SYNE3: variants seen among roughly 807,000 people sequenced by gnomAD.
The protein encoded by SYNE3 is spectrin repeat containing nuclear envelope family member 3.
A neutral mutation model predicts 111.2 loss-of-function variants in SYNE3; 100 were observed. The ratio of observed to expected loss-of-function variants is 0.90; its 90% confidence interval spans 0.77 to 1.06. SYNE3 has a LOEUF of 1.06. SYNE3 is among the 50% of genes least tolerant of loss of function. The pLI, the probability that SYNE3 is intolerant of heterozygous loss-of-function variation, is 0.00. For missense variants in SYNE3, 1,160 were observed against 1,240.3 expected (o/e 0.94, Z 0.97); for synonymous variants, 547 against 533.9 (o/e 1.02, Z -0.34).
chr14:95,435,709 C>T (rs1886047245), intron 15 of SYNE3, among the ~76,000 whole-genome samples: 2 of 152,122 alleles, frequency 1.3e-5, no homozygotes, highest in Non-Finnish European at 2.9e-5. Flanking sequence ...AAAAGAAATT[C>T]AAACCTAAAC....
intron 1 of SYNE3, among the ~76,000 whole-genome samples, chr14:95,510,913 C>T (rs1448081904): frequency 6.6e-6 from 1 of 152,244 alleles, no homozygotes; most frequent in African/African-American, 2.4e-5. Flanking sequence ...GAGCTTTAGC[C>T]TCTAGATCAT....
rs1566950083 is a variant in SYNE3 at position 95,413,811 on chromosome 14, G to A, written c.*4015C>T. 1 of 152,206 alleles carries A rather than the reference G, an allele frequency of 6.6e-6. No individual in the cohort carries two copies. The allele number at this position is 152,206 out of a possible 1,614,324, so 9.4% of individuals were successfully genotyped here. On this transcript the variant is annotated 3_prime_UTR_variant, in exon 18 of 18. Coordinates refer to ENST00000682763, the MANE Select transcript of SYNE3 (RefSeq NM_152592.6). ...CCCATTTCCTCTGGAAGGGAGTCGG[G>A]TGTCAGGAAACACATTTGCCTTTGG...
intron 17 of SYNE3, 80 bp downstream of exon 17, chr14:95,431,999 C>G: frequency 6.6e-7 from 1 of 1,522,094 alleles, no homozygotes; most frequent in South Asian, 1.2e-5. Flanking sequence ...GCCCACGAGT[C>G]TTGCCCCAGT....
At chr14:95,513,740 TATA>T (rs1890806397) in intron 1 of SYNE3, among the ~76,000 whole-genome samples, 3 of 37,200 alleles carry the variant, frequency 8.1e-5, no homozygotes, top group Admixed American at 6.8e-4. Context: ...GCTTAGATTA[TATA>T]TATATATATA....
intron 4 of SYNE3, 110 bp downstream of exon 4, chr14:95,465,821 G>T: frequency 8.6e-7 from 1 of 1,164,830 alleles, no homozygotes; most frequent in Non-Finnish European, 1.2e-6. Flanking sequence ...AAGATAGATT[G>T]ATAGTAGGTA....
intron 2 of SYNE3, among the ~76,000 whole-genome samples, chr14:95,472,503 C>T (rs1888588297): frequency 6.6e-6 from 1 of 152,242 alleles, no homozygotes; most frequent in Non-Finnish European, 1.5e-5. Flanking sequence ...TCTAAAACCA[C>T]AAGAAACGAT....
At chr14:95,459,771 G>C (rs1037222980) in intron 4 of SYNE3, among the ~76,000 whole-genome samples, 1 of 152,156 alleles carries the variant, frequency 6.6e-6, no homozygotes, top group Non-Finnish European at 1.5e-5. Context: ...GGAAGCCCAG[G>C]CTTAGGACCA....
chr14:95,514,606 C>G (rs1595268454), intron 1 of SYNE3, among the ~76,000 whole-genome samples: 1 of 152,390 alleles, frequency 6.6e-6, no homozygotes, highest in African/African-American at 2.4e-5. Flanking sequence ...GAGGCAACAC[C>G]TGCCGTGCTA....
chr14:95,442,452 G>A (rs1404047539), intron 11 of SYNE3, among the ~76,000 whole-genome samples: 1 of 152,202 alleles, frequency 6.6e-6, no homozygotes, highest in Non-Finnish European at 1.5e-5. Context: ...TCAGGTAGGA[G>A]GGAGAGCTCT....
chr14:95,495,968 A>G (rs1890075206), intron 1 of SYNE3, among the ~76,000 whole-genome samples: 1 of 152,184 alleles, frequency 6.6e-6, no homozygotes, highest in African/African-American at 2.4e-5. Context: ...GCTTGAAATG[A>G]ATCAGGCAGA....
rs1318114700 is a variant in SYNE3, at chr14:95,407,426, A to T, written c.*10400T>A. On this transcript the variant is annotated 3_prime_UTR_variant, in exon 18 of 18. Coordinates refer to ENST00000682763, the MANE Select transcript of SYNE3 (RefSeq NM_152592.6). ...GAAAACGTCAATGCAACTTTAAAAT[A>T]TAGCACTAAGAAGAAACTCCGGGGT... is the stretch of plus-strand genomic sequence containing the variant. 1 of 152,212 alleles carries T rather than the reference A, an allele frequency of 6.6e-6. No homozygotes were observed. The highest frequency in any genetic ancestry group is 1.5e-5 in the Non-Finnish European group (1 of 68,038). 9.4% of individuals were successfully genotyped at this position (152,212 alleles called of 1,614,324 possible). A position where few individuals can be genotyped will look rare whatever the true frequency, so the allele number is the denominator to read the frequency against.
intron 1 of SYNE3, among the ~76,000 whole-genome samples, chr14:95,493,676 C>T (rs1566686668): frequency 6.6e-6 from 1 of 152,336 alleles, no homozygotes; most frequent in South Asian, 2.1e-4. Flanking sequence ...GAGGGGTGGC[C>T]ACCAGTGGCT....
chr14:95,456,535 C>G (rs1436414458), intron 5 of SYNE3, among the ~76,000 whole-genome samples: 1 of 152,194 alleles, frequency 6.6e-6, no homozygotes, highest in East Asian at 1.9e-4. Context: ...CCCCTCTACC[C>G]TCTTAGGACA....
At chr14:95,442,865 A>G (rs1479974855) in intron 11 of SYNE3, among the ~76,000 whole-genome samples, 1 of 152,164 alleles carries the variant, frequency 6.6e-6, no homozygotes, top group Non-Finnish European at 1.5e-5. Flanking sequence ...TGTTTGCTTG[A>G]TGATTAATTG....
rs191535004 is a variant in SYNE3, at chr14:95,447,170, G to A, written c.1450-1079C>T. ...TTTTTTTGAGCTGGAGTCTCACTCT[G>A]TTGCCCAGGCTGGAGTGCAGTGGCA... On this transcript the variant is annotated intron_variant, in intron 8 of 17. Transcript: ENST00000682763. 8.7e-3 allele frequency among the ~76,000 whole-genome samples: 1,206 copies of A among 138,710 alleles called. 10 individuals carry two copies. The highest frequency in any genetic ancestry group is 0.013 in the Non-Finnish European group (881 of 65,950). 91.0% of individuals were successfully genotyped at this position (138,710 alleles called of 152,430 possible). A position where few individuals can be genotyped will look rare whatever the true frequency, so the allele number is the denominator to read the frequency against.
intron 17 of SYNE3, 84 bp downstream of exon 17, chr14:95,431,995 G>A (rs947567858): frequency 2.7e-5 from 40 of 1,489,708 alleles, no homozygotes; most frequent in East Asian, 7.0e-5. Context: ...GAAAGCCCAC[G>A]AGTCTTGCCC....
intron 14 of SYNE3, 85 bp downstream of exon 14, chr14:95,438,948 G>T: frequency 1.3e-6 from 2 of 1,565,976 alleles, no homozygotes; most frequent in Non-Finnish European, 1.7e-6. Context: ...GCCCCAGACA[G>T]GGAGGGGCCT....
chr14:95,474,590 C>T (rs1888764219), intron 2 of SYNE3, among the ~76,000 whole-genome samples: 1 of 152,226 alleles, frequency 6.6e-6, no homozygotes, highest in Non-Finnish European at 1.5e-5. Context: ...GACTCCATTT[C>T]CCCAGTTGCA....
At chr14:95,494,338 A>T (rs925447199) in intron 1 of SYNE3, among the ~76,000 whole-genome samples, 7 of 152,174 alleles carry the variant, frequency 4.6e-5, no homozygotes, top group African/African-American at 1.7e-4. Context: ...AGGCTCATAG[A>T]GGAAGGGATA....
Sources: allele counts gnomAD v4.1 joint callset (sites outside exome capture counted in the v4.1 genomes callset), GRCh38; gene constraint gnomAD v4.1.1; transcripts MANE v1.5; gene names NCBI Gene and HGNC (gene_info 2026-07-23, HGNC 2026-07-21).